SPECC1: variants seen among roughly 807,000 people sequenced by gnomAD.
The protein encoded by SPECC1 is sperm antigen with calponin homology and coiled-coil domains 1.
In SPECC1, 62 loss-of-function variants were observed where a neutral mutation model predicts 104.1. The ratio of observed to expected loss-of-function variants is 0.60; its 90% CI spans 0.49 to 0.74. The LOEUF is 0.74. Among genes scored for constraint, SPECC1 ranks in the 30% least tolerant of loss-of-function variants. SPECC1 has a pLI of 0.00. For synonymous variants in SPECC1, 513 were observed against 501.6 expected, an observed-to-expected ratio of 1.02 and a Z score of -0.30; for missense variants, 1,306 against 1,310.5, an observed-to-expected ratio of 1.00 and a Z score of 0.05.
chr17:20,103,306 C>T (rs774189893), intron 2 of SPECC1, among the ~76,000 whole-genome samples: 1 of 152,206 alleles, frequency 6.6e-6, no homozygotes, highest in Non-Finnish European at 1.5e-5. Flanking sequence ...CCAGCCCCTC[C>T]TGGGCTTTCT....
At chr17:20,219,180 C>T (rs1012058134) in intron 4 of SPECC1, among the ~76,000 whole-genome samples, 3 of 152,136 alleles carry the variant, frequency 2.0e-5, no homozygotes, top group Non-Finnish European at 2.9e-5. Flanking sequence ...AGTGTGATTG[C>T]TGGATCATAT....
intron 9 of SPECC1, among the ~76,000 whole-genome samples, chr17:20,249,646 T>C (rs2039549836): frequency 6.6e-6 from 1 of 152,002 alleles, no homozygotes; most frequent in Non-Finnish European, 1.5e-5. Context: ...CTGTTAGAGA[T>C]TTTATGACTT....
intron 12 of SPECC1, among the ~76,000 whole-genome samples, chr17:20,285,682 G>T (rs1172315882): frequency 6.6e-6 from 1 of 152,060 alleles, no homozygotes; most frequent in Non-Finnish European, 1.5e-5. Flanking sequence ...AAATGTTAGT[G>T]TTCAGAGTGG....
At chr17:20,156,774 C>T (rs1486306480) in intron 3 of SPECC1, among the ~76,000 whole-genome samples, 1 of 152,178 alleles carries the variant, frequency 6.6e-6, no homozygotes, top group Admixed American at 6.5e-5. Context: ...CCTGAGTGAG[C>T]TTCGTGGAGT....
chr17:20,231,692 C>A, intron 5 of SPECC1, 66 bp from the exon 6 acceptor site: 1 of 1,457,946 alleles, frequency 6.9e-7, no homozygotes, highest in Non-Finnish European at 9.6e-7. Context: ...TTCTTTGCTA[C>A]CTAGCGTGTC....
In SPECC1 at chr17:20,065,598, G is replaced by A. The variant is rs201729712; in HGVS notation, c.-21-31033G>A. Among the ~76,000 whole-genome samples, 21 of 152,298 alleles carry A rather than the reference G, an allele frequency of 1.4e-4. No individual in the cohort carries two copies. In the East Asian group the frequency reaches 2.5e-3, roughly 18 times the overall value. ...CTTCCAGGTGTTCAGCTGTCCAGACGCTCTCTGAACTGTGACCTTTTGGGT... is the reference window on the plus strand; with the variant it reads ...CTTCCAGGTGTTCAGCTGTCCAGACACTCTCTGAACTGTGACCTTTTGGGT... On this transcript the variant is annotated intron_variant, in intron 1 of 14. Transcript: ENST00000395527.
intron 4 of SPECC1, among the ~76,000 whole-genome samples, chr17:20,216,698 T>C (rs994659081): frequency 6.6e-6 from 1 of 152,166 alleles, no homozygotes; most frequent in Non-Finnish European, 1.5e-5. Context: ...TTGGGAAGTT[T>C]GTTTGACTCT....
intron 3 of SPECC1, among the ~76,000 whole-genome samples, chr17:20,154,152 T>C (rs1013688533): frequency 3.3e-5 from 5 of 152,228 alleles, no homozygotes; most frequent in African/African-American, 1.2e-4. Context: ...TTCATTCATT[T>C]GTTTTCATTC....
chr17:20,097,443 G>A (rs1214694045), intron 2 of SPECC1, among the ~76,000 whole-genome samples: 1 of 152,188 alleles, frequency 6.6e-6, no homozygotes, highest in Non-Finnish European at 1.5e-5. Flanking sequence ...TTCTATATTA[G>A]CATGGATTTC....
At chr17:20,124,783 CA>C (rs1436634320) in intron 3 of SPECC1, among the ~76,000 whole-genome samples, 2 of 152,126 alleles carry the variant, frequency 1.3e-5, no homozygotes, top group Non-Finnish European at 2.9e-5. Flanking sequence ...TACATTTGGG[CA>C]AAATCATCTA....
chr17:20,266,407 C>A (rs1010989471), intron 12 of SPECC1, among the ~76,000 whole-genome samples: 14 of 152,144 alleles, frequency 9.2e-5, no homozygotes, highest in African/African-American at 3.4e-4. Flanking sequence ...CATGGTGAAA[C>A]CCCGTCTCTA....
chr17:20,173,015 C>T (rs1463815793), intron 3 of SPECC1, among the ~76,000 whole-genome samples: 1 of 152,228 alleles, frequency 6.6e-6, no homozygotes, highest in Non-Finnish European at 1.5e-5. Context: ...ACTTGGGCTA[C>T]ATCTATGAAA....
intron 1 of SPECC1, among the ~76,000 whole-genome samples, chr17:20,011,231 T>C (rs1464060451): frequency 1.3e-5 from 2 of 152,224 alleles, no homozygotes; most frequent in African/African-American, 2.4e-5. Flanking sequence ...AGAACTTGAC[T>C]GCAGACTGCC....
chr17:20,081,191 C>T (rs2046959175), intron 1 of SPECC1, among the ~76,000 whole-genome samples: 1 of 151,968 alleles, frequency 6.6e-6, no homozygotes, highest in African/African-American at 2.4e-5. Context: ...ATTTTCAAGG[C>T]CATTTGATAG....
intron 12 of SPECC1, among the ~76,000 whole-genome samples, chr17:20,272,897 T>G (rs959977216): frequency 2.6e-5 from 4 of 152,264 alleles, no homozygotes; most frequent in African/African-American, 9.6e-5. Flanking sequence ...AATCTCTCTA[T>G]GCAGATTGTT....
Position 20,100,056 on chromosome 17 carries a change from T to A in SPECC1, c.147+3258T>A, listed in dbSNP as rs554733312. Among the ~76,000 whole-genome samples, 137 of 152,362 alleles carry A rather than the reference T, an allele frequency of 9.0e-4. 1 individual carries two copies. Among genetic ancestry groups the A allele is most frequent in the Admixed American group, 4.6e-3 (71 of 15,308 alleles). ...GTAACTGCCGCATACATAGTTGTTA[T>A]ACTGTGTCATTTTAAATTTTTTTAT... On this transcript the variant is annotated intron_variant, in intron 2 of 14. Coordinates refer to ENST00000395527, the MANE Select transcript of SPECC1 (RefSeq NM_001243439.2).
chr17:20,223,992 A>C (rs2038056221), intron 4 of SPECC1, among the ~76,000 whole-genome samples: 1 of 152,160 alleles, frequency 6.6e-6, no homozygotes, highest in Admixed American at 6.5e-5. Context: ...GACTTTCCAG[A>C]TATTCAAAGG....
intron 4 of SPECC1, among the ~76,000 whole-genome samples, chr17:20,215,290 C>T (rs1044051354): frequency 1.3e-5 from 2 of 152,172 alleles, no homozygotes; most frequent in Admixed American, 1.3e-4. Flanking sequence ...TGAGCAGGTG[C>T]GATTCTGAAT....
At chr17:20,284,031 G>T (rs540383390) in intron 12 of SPECC1, among the ~76,000 whole-genome samples, 38 of 152,242 alleles carry the variant, frequency 2.5e-4, no homozygotes, top group African/African-American at 9.1e-4. Context: ...TTGTGCCTTA[G>T]ATGGCTTTCT....
Sources: allele counts gnomAD v4.1 joint callset (sites outside exome capture counted in the v4.1 genomes callset), GRCh38; gene constraint gnomAD v4.1.1; transcripts MANE v1.5; gene names NCBI Gene and HGNC (gene_info 2026-07-23, HGNC 2026-07-21).